The following SMYD3 variants were observed in gnomAD, a reference collection of about 807,000 sequenced individuals.
SMYD3 encodes histone-lysine N-methyltransferase SMYD3.
A neutral mutation model predicts 57.7 loss-of-function variants in SMYD3; 36 were observed. The ratio of observed to expected loss-of-function variants is 0.62; its 90% CI spans 0.48 to 0.82. The LOEUF (loss-of-function observed/expected upper bound fraction) is 0.82. SMYD3 is among the 40% of genes least tolerant of loss of function. The pLI is 0.00. For missense variants in SMYD3, 515 were observed against 538.8 expected, an observed-to-expected ratio of 0.96 and a Z score of 0.44; for synonymous variants, 211 against 195.0, an observed-to-expected ratio of 1.08 and a Z score of -0.68.
chr1:246,022,322 GT>G (rs2059486174), intron 5 of SMYD3, among the ~76,000 whole-genome samples: 1 of 152,142 alleles, frequency 6.6e-6, no homozygotes, highest in Non-Finnish European at 1.5e-5. Flanking sequence ...TTACAGAAAT[GT>G]TTGTTATGGT....
At chr1:246,424,126 T>C (rs1572488318) in intron 1 of SMYD3, among the ~76,000 whole-genome samples, 1 of 152,090 alleles carries the variant, frequency 6.6e-6, no homozygotes, top group African/African-American at 2.4e-5. Flanking sequence ...GTGCTAGAAA[T>C]GTTGTAACAA....
At chr1:246,080,338 C>T (rs1480301082) in intron 5 of SMYD3, among the ~76,000 whole-genome samples, 1 of 151,904 alleles carries the variant, frequency 6.6e-6, no homozygotes, top group African/African-American at 2.4e-5. Context: ...TGGCAGCATT[C>T]GATTCTCATG....
In SMYD3 at chr1:246,498,964, G is replaced by GT. The variant is rs576709325; in HGVS notation, c.164+8089dup. 4.5e-3 allele frequency among the ~76,000 whole-genome samples: 636 copies of GT among 142,656 alleles called. 5 individuals are homozygous for GT. The highest frequency in any genetic ancestry group is 0.011 in the South Asian group (49 of 4,480). The allele number at this position is 142,656 out of a possible 152,430, so 93.6% of individuals were successfully genotyped here. A position where few individuals can be genotyped will look rare whatever the true frequency, so the allele number is the denominator to read the frequency against. ...CACCATCCCACCCAGATAATTTTTT[G>GT]TTTTTTTTTTTAACAAGATGAAGTT... On this transcript the variant is annotated intron_variant, in intron 1 of 11. Transcript: ENST00000490107.
intron 5 of SMYD3, among the ~76,000 whole-genome samples, chr1:246,219,892 C>T (rs935954125): frequency 3.3e-5 from 5 of 152,088 alleles, no homozygotes; most frequent in Non-Finnish European, 4.4e-5. Context: ...CTGCTGGTGC[C>T]GTAGTGGCTG....
At chr1:246,248,681 G>A (rs2063750228) in intron 5 of SMYD3, among the ~76,000 whole-genome samples, 2 of 125,756 alleles carry the variant, frequency 1.6e-5, no homozygotes, top group African/African-American at 3.0e-5. Context: ...TCGCTCTGTC[G>A]CCCAGGCTGG....
intron 10 of SMYD3, among the ~76,000 whole-genome samples, chr1:245,771,300 A>G (rs2046328084): frequency 6.6e-6 from 1 of 152,198 alleles, no homozygotes. Context: ...GCGTGGCAAA[A>G]TCTTGATAAG....
intron 5 of SMYD3, among the ~76,000 whole-genome samples, chr1:246,322,631 CTG>C (rs946422865): frequency 7.4e-4 from 113 of 152,304 alleles, no homozygotes; most frequent in African/African-American, 2.6e-3. Flanking sequence ...TCATTGCTGT[CTG>C]TGGAAATTAA....
At chr1:245,857,474 C>A (rs2051306656) in intron 10 of SMYD3, among the ~76,000 whole-genome samples, 1 of 48,358 alleles carries the variant, frequency 2.1e-5, no homozygotes, top group Non-Finnish European at 9.7e-5. Flanking sequence ...TTTCCACCTG[C>A]TCCTCTTCGC....
intron 10 of SMYD3, among the ~76,000 whole-genome samples, chr1:245,822,604 C>T (rs921830497): frequency 1.3e-5 from 2 of 151,572 alleles, no homozygotes; most frequent in Non-Finnish European, 2.9e-5. Flanking sequence ...CTGCCTCAGT[C>T]TGAGGAGCTC....
At chr1:246,270,563 T>G (rs1400094363) in intron 5 of SMYD3, among the ~76,000 whole-genome samples, 1 of 152,146 alleles carries the variant, frequency 6.6e-6, no homozygotes, top group African/African-American at 2.4e-5. Context: ...AAAAGTGGAG[T>G]CATATAGTAT....
chr1:246,167,729 T>C (rs1448844919), intron 5 of SMYD3, among the ~76,000 whole-genome samples: 1 of 152,130 alleles, frequency 6.6e-6, no homozygotes, highest in African/African-American at 2.4e-5. Context: ...CAGGCTGGTC[T>C]CAAACTCCTG....
At chr1:246,491,269 G>A (rs900894474) in intron 1 of SMYD3, among the ~76,000 whole-genome samples, 3 of 152,166 alleles carry the variant, frequency 2.0e-5, no homozygotes, top group South Asian at 2.1e-4. Flanking sequence ...CGGGCGCGGT[G>A]GATCACGCCT....
At chr1:246,282,727 T>C (rs954637791) in intron 5 of SMYD3, among the ~76,000 whole-genome samples, 11 of 152,170 alleles carry the variant, frequency 7.2e-5, no homozygotes, top group African/African-American at 2.7e-4. Context: ...ACTTTAAATG[T>C]TGCTTCTAGC....
intron 10 of SMYD3, among the ~76,000 whole-genome samples, chr1:245,856,890 A>AG (rs2051270377): frequency 6.6e-6 from 1 of 152,218 alleles, no homozygotes; most frequent in African/African-American, 2.4e-5. Flanking sequence ...CCACTCACCC[A>AG]GAGGCTGTTT....
chr1:246,378,658 C>T (rs1572439247), intron 1 of SMYD3, among the ~76,000 whole-genome samples: 1 of 125,880 alleles, frequency 7.9e-6, no homozygotes, highest in Non-Finnish European at 1.6e-5. Flanking sequence ...TATATATACA[C>T]ACACACATAT....
intron 1 of SMYD3, among the ~76,000 whole-genome samples, chr1:246,486,164 T>C (rs1391766577): frequency 6.6e-6 from 1 of 152,210 alleles, no homozygotes; most frequent in Non-Finnish European, 1.5e-5. Flanking sequence ...AGGTTGTTTT[T>C]ATTATTGTTG....
At chr1:246,363,768 A>G (rs1558425619) in intron 1 of SMYD3, among the ~76,000 whole-genome samples, 4 of 152,038 alleles carry the variant, frequency 2.6e-5, no homozygotes, top group Non-Finnish European at 5.9e-5. Context: ...TCAAGTACCC[A>G]GGGACACAAA....
At chr1:246,462,961 G>A (rs887509549) in intron 1 of SMYD3, among the ~76,000 whole-genome samples, 3 of 152,078 alleles carry the variant, frequency 2.0e-5, no homozygotes, top group Non-Finnish European at 4.4e-5. Context: ...GAAACTGGGG[G>A]CCTGAACTGT....
At chr1:245,790,384 TG>T (rs963966887) in intron 10 of SMYD3, among the ~76,000 whole-genome samples, 1 of 152,130 alleles carries the variant, frequency 6.6e-6, no homozygotes, top group African/African-American at 2.4e-5. Context: ...CAGTGATGAA[TG>T]GGGCAACACG....
Sources: gnomAD v4.1 joint callset for allele counts (sites outside exome capture counted in the v4.1 genomes callset) on GRCh38, gnomAD v4.1.1 for gene constraint, MANE v1.5 for transcripts, NCBI Gene and HGNC (gene_info 2026-07-23, HGNC 2026-07-21) for gene names.